ARMC9: variants seen among roughly 807,000 people sequenced by gnomAD.
The protein encoded by ARMC9 is armadillo repeat containing 9, also known as lisH domain-containing protein ARMC9.
In ARMC9, 94 loss-of-function variants were observed where a neutral mutation model predicts 107.0. The observed-to-expected ratio is 0.88, with a 90% CI of 0.74 to 1.04. ARMC9 has a LOEUF of 1.04. Ranked by LOEUF, ARMC9 falls within the 50% of genes least tolerant of loss-of-function variation. ARMC9 has a pLI of 0.00. For missense variants in ARMC9, 942 were observed against 1,030.1 expected, an observed-to-expected ratio of 0.91 and a Z score of 1.17; for synonymous variants, 380 against 396.9, an observed-to-expected ratio of 0.96 and a Z score of 0.51.
At position 231,372,699 on chromosome 2, in the gene ARMC9, GGTGTGTGTGTGTGTGT is replaced by G. The variant is rs61556705; in HGVS notation, c.*1205_*1220del. ...CAAATAAAACCCATCAGTATTTAGT[GGTGTGTGTGTGTGTGT>G]GTGTGTGTGTGTGTGTGTGTGTGTG... On this transcript the variant is annotated 3_prime_UTR_variant, in exon 25 of 25. Coordinates refer to ENST00000611582, the MANE Select transcript of ARMC9 (RefSeq NM_001352754.2). 0.027 allele frequency: 3,413 copies of G among 127,758 alleles called. 34 individuals are homozygous for G. The highest frequency in any genetic ancestry group is 0.041 in the Admixed American group (521 of 12,632). The allele number at this position is 127,758 out of a possible 1,614,324, so 7.9% of individuals were successfully genotyped here. A position where few individuals can be genotyped will look rare whatever the true frequency, so the allele number is the denominator to read the frequency against.
At chr2:231,305,848 T>C (rs1488714377) in intron 19 of ARMC9, among the ~76,000 whole-genome samples, 1 of 152,198 alleles carries the variant, frequency 6.6e-6, no homozygotes, top group African/African-American at 2.4e-5. Context: ...AAAAAACAAA[T>C]GTTCAATTTC....
chr2:231,262,491 T>G (rs556707519), intron 12 of ARMC9, 93 bp downstream of exon 12: 1 of 1,236,676 alleles, frequency 8.1e-7, no homozygotes, highest in South Asian at 1.2e-5. Context: ...TCTCTGCACA[T>G]TTTCAGCTTC....
At chr2:231,273,123 T>C in intron 14 of ARMC9, 45 bp downstream of exon 14, 1 of 1,580,604 alleles carries the variant, frequency 6.3e-7, no homozygotes. Context: ...TGAGATCAGA[T>C]TGAGTTAAAA....
chr2:231,330,317 T>A (rs2043642111), intron 19 of ARMC9, among the ~76,000 whole-genome samples: 1 of 150,666 alleles, frequency 6.6e-6, no homozygotes, highest in South Asian at 2.1e-4. Context: ...TACTGCCAGG[T>A]TTGAGTAGAA....
intron 9 of ARMC9, among the ~76,000 whole-genome samples, chr2:231,246,418 A>G (rs928262548): frequency 6.6e-6 from 1 of 152,064 alleles, no homozygotes; most frequent in Non-Finnish European, 1.5e-5. Context: ...TTGAGTGCTC[A>G]GTGTTTAGCT....
At chr2:231,214,465 T>C (rs1264180609) in intron 3 of ARMC9, among the ~76,000 whole-genome samples, 3 of 152,352 alleles carry the variant, frequency 2.0e-5, no homozygotes, top group African/African-American at 7.2e-5. Context: ...AGACTTGGTC[T>C]GGATAGCTTT....
intron 8 of ARMC9, among the ~76,000 whole-genome samples, chr2:231,236,971 G>A (rs1371875960): frequency 6.6e-6 from 1 of 152,076 alleles, no homozygotes; most frequent in Non-Finnish European, 1.5e-5. Flanking sequence ...AAAAAAGATG[G>A]GTCAGAGGAG....
chr2:231,205,030 A>G (rs1291657948), intron 1 of ARMC9, among the ~76,000 whole-genome samples: 1 of 151,972 alleles, frequency 6.6e-6, no homozygotes, highest in African/African-American at 2.4e-5. Flanking sequence ...GTGGAGAGAA[A>G]GGAGGTGGGG....
At chr2:231,310,666 G>T (rs1325034783) in intron 19 of ARMC9, among the ~76,000 whole-genome samples, 6 of 151,864 alleles carry the variant, frequency 4.0e-5, no homozygotes, top group Admixed American at 3.3e-4. Flanking sequence ...GGGGTAGGGG[G>T]GAACGGAGGT....
In ARMC9 at chr2:231,297,312, C is replaced by T. The variant is rs1313219188; in HGVS notation, c.1773+1059C>T. 6.6e-6 allele frequency among the ~76,000 whole-genome samples: 1 copy of T among 152,304 alleles called. No homozygotes were observed. Among genetic ancestry groups the T allele is most frequent in the East Asian group, 1.9e-4 (1 of 5,186 alleles). On this transcript the variant is annotated intron_variant, in intron 19 of 24. Coordinates refer to ENST00000611582, the MANE Select transcript of ARMC9 (RefSeq NM_001352754.2). The surrounding 1 kb of genome is among the most constrained non-coding windows in gnomAD (Gnocchi z 4.2). ...TAGGGGTCCTGGCCCCTATCATCTT[C>T]TCCAGGCCCCTTTGTTTACAAAGGT... is the stretch of plus-strand genomic sequence containing the variant.
chr2:231,347,173 C>T (rs1230753851), intron 21 of ARMC9, among the ~76,000 whole-genome samples: 1 of 152,166 alleles, frequency 6.6e-6, no homozygotes, highest in Non-Finnish European at 1.5e-5. Flanking sequence ...GGGGTGGCCC[C>T]ATCAAGATCT....
intron 1 of ARMC9, among the ~76,000 whole-genome samples, chr2:231,203,892 G>A (rs1218768823): frequency 6.6e-6 from 1 of 152,088 alleles, no homozygotes; most frequent in African/African-American, 2.4e-5. Flanking sequence ...CCCCGGAGGT[G>A]GAGGTTGCAG....
chr2:231,218,757 G>GT lies in ARMC9; in HGVS notation c.504+1975dup, dbSNP rs201588911. ...GTATACATAATCAAGTCAGTCTTTTGTTTTTTTTTTTGAGATGGAGTTTCA... is the reference window on the plus strand; with the variant it reads ...GTATACATAATCAAGTCAGTCTTTTGTTTTTTTTTTTTGAGATGGAGTTTCA... On this transcript the variant is annotated intron_variant, in intron 5 of 24. Coordinates refer to ENST00000611582, the MANE Select transcript of ARMC9 (RefSeq NM_001352754.2). Among the ~76,000 whole-genome samples, 218 of 144,792 alleles carry GT rather than the reference G, an allele frequency of 1.5e-3. 1 individual carries two copies. The highest frequency in any genetic ancestry group is 4.2e-3 in the East Asian group (21 of 5,006). The allele number at this position is 144,792 out of a possible 152,430, so 95.0% of individuals were successfully genotyped here.
chr2:231,319,032 G>A (rs1394824856), intron 19 of ARMC9, among the ~76,000 whole-genome samples: 1 of 152,166 alleles, frequency 6.6e-6, no homozygotes, highest in Non-Finnish European at 1.5e-5. Context: ...GGAACAGGAA[G>A]AAGCAGGGAG....
At chr2:231,298,532 T>C (rs1291676951) in intron 19 of ARMC9, among the ~76,000 whole-genome samples, 1 of 152,228 alleles carries the variant, frequency 6.6e-6, no homozygotes, top group Non-Finnish European at 1.5e-5. Flanking sequence ...TGCAAGGTGT[T>C]GGAGTCATAC....
At chr2:231,319,420 G>A (rs115251684) in intron 19 of ARMC9, among the ~76,000 whole-genome samples, 4,845 of 152,202 alleles carry the variant, frequency 0.032, 251 homozygotes, top group African/African-American at 0.11. Flanking sequence ...TAACTGCCAC[G>A]AACCTGAGCA....
intron 7 of ARMC9, among the ~76,000 whole-genome samples, chr2:231,227,406 TTGACAGCTGCTTAAATGA>T (rs1414915432): frequency 6.6e-6 from 1 of 152,234 alleles, no homozygotes; most frequent in Non-Finnish European, 1.5e-5. Context: ...ATACTACGTT[TTGACAGCTGCTTAAATGA>T]TGATGCTGGA....
intron 6 of ARMC9, among the ~76,000 whole-genome samples, chr2:231,225,815 T>C (rs1179388491): frequency 2.6e-5 from 4 of 152,222 alleles, no homozygotes; most frequent in Non-Finnish European, 5.9e-5. Flanking sequence ...GTTGCATAAC[T>C]CTGAAAATAC....
intron 19 of ARMC9, among the ~76,000 whole-genome samples, chr2:231,330,762 A>G (rs1624545): frequency 0.33 from 49,549 of 151,944 alleles, 8,225 homozygotes; most frequent in Middle Eastern, 0.38. Flanking sequence ...TCTTCCTGTC[A>G]TGCCAGCCTT....
Sources: allele counts gnomAD v4.1 joint callset (sites outside exome capture counted in the v4.1 genomes callset), GRCh38; gene constraint gnomAD v4.1.1; non-coding constraint Gnocchi (gnomAD v3.1); transcripts MANE v1.5; gene names NCBI Gene and HGNC (gene_info 2026-07-23, HGNC 2026-07-21).